The following PI4KA variants were observed in gnomAD, a reference collection of about 807,000 sequenced individuals.
PI4KA encodes PI4-kinase alpha.
In PI4KA, 122 loss-of-function variants were observed where a neutral mutation model predicts 271.4. The ratio of observed to expected loss-of-function variants is 0.45; its 90% confidence interval spans 0.39 to 0.52. The LOEUF (loss-of-function observed/expected upper bound fraction) is 0.52. Ranked by LOEUF, PI4KA falls within the 20% of genes least tolerant of loss-of-function variation. The probability of loss-of-function intolerance (pLI) is 0.00; values close to 1 mark genes in which losing one functional copy is unlikely to be tolerated. For missense variants in PI4KA, 1,969 were observed against 2,769.1 expected, an observed-to-expected ratio of 0.71 and a Z score of 6.48; for synonymous variants, 1,041 against 1,078.8, an observed-to-expected ratio of 0.96 and a Z score of 0.69.
rs886192073 is a variant in PI4KA at position 20,759,402 on chromosome 22, C to CTTTTTTTTTTTTTTTTT, written c.2791+1885_2791+1901dup. The stretch of plus-strand genomic sequence containing the variant: ...TTGATTTTTCTTTTTCTTTTCTTTT[C>CTTTTTTTTTTTTTTTTT]TTTTTTTTTTTTTTTTTTTTTGAGA... On this transcript the variant is annotated intron_variant, in intron 23 of 54. Transcript: ENST00000255882. Among the ~76,000 whole-genome samples, 106 of 102,878 alleles carry CTTTTTTTTTTTTTTTTT rather than the reference C, an allele frequency of 1.0e-3. 2 individuals are homozygous for CTTTTTTTTTTTTTTTTT. Among genetic ancestry groups the CTTTTTTTTTTTTTTTTT allele is most frequent in the East Asian group, 1.6e-3 (5 of 3,182 alleles). The allele number at this position is 102,878 out of a possible 152,430, so 67.5% of individuals were successfully genotyped here. A position where few individuals can be genotyped will look rare whatever the true frequency, so the allele number is the denominator to read the frequency against.
At chr22:20,853,903 C>T (rs1927283887) in intron 1 of PI4KA, among the ~76,000 whole-genome samples, 3 of 151,304 alleles carry the variant, frequency 2.0e-5, no homozygotes, top group Admixed American at 1.3e-4. Context: ...GGTGAGACCC[C>T]CATCTCTAAT....
chr22:20,824,286 C>T, intron 4 of PI4KA, 40 bp downstream of exon 4: 1 of 1,244,496 alleles, frequency 8.0e-7, no homozygotes, highest in South Asian at 1.2e-5. Flanking sequence ...TCTATTCAAT[C>T]TAATAGAAAT....
intron 2 of PI4KA, among the ~76,000 whole-genome samples, chr22:20,838,143 A>C (rs920597094): frequency 6.6e-6 from 1 of 151,944 alleles, no homozygotes; most frequent in Admixed American, 6.6e-5. Flanking sequence ...AACAAGATAC[A>C]CTGATACATA....
intron 43 of PI4KA, among the ~76,000 whole-genome samples, chr22:20,720,210 C>T (rs757563236): frequency 3.3e-5 from 5 of 152,178 alleles, no homozygotes; most frequent in Admixed American, 6.5e-5. Flanking sequence ...CCAGGTGCGA[C>T]GTAGACAGAC....
Position 20,803,177 on chromosome 22 carries a change from T to G in PI4KA, c.1591+14A>C, listed in dbSNP as rs776683554. The G allele has an allele frequency of 6.2e-7, 1 of 1,613,706 alleles. No homozygotes were observed. Among genetic ancestry groups the G allele is most frequent in the Admixed American group, 1.7e-5 (1 of 60,014 alleles). ...CCTTTCTCAGGGCCTGAAGGGCACA[T>G]AGTCTGTTATTACCTGTGTGGTACT... On this transcript the variant is annotated intron_variant, in intron 13 of 54. Transcript: ENST00000255882.
intron 23 of PI4KA, 60 bp downstream of exon 23, chr22:20,761,244 A>G (rs1469290967): frequency 1.6e-5 from 14 of 898,058 alleles, no homozygotes; most frequent in Non-Finnish European, 2.6e-5. Flanking sequence ...AGGAAGTAGT[A>G]CGCCTTTTTA....
chr22:20,744,735 C>T lies in PI4KA; in HGVS notation c.3364-15G>A. 2 of 1,606,030 alleles carry T rather than the reference C, an allele frequency of 1.2e-6. No homozygotes were observed. The highest frequency in any genetic ancestry group is 8.5e-7 in the Non-Finnish European group (1 of 1,172,614). ...AGCTGAGTTGCCTACAGACAGATAACCATTATTGTAGACTATGGCAGCACT... is the reference window on the plus strand; with the variant it reads ...AGCTGAGTTGCCTACAGACAGATAATCATTATTGTAGACTATGGCAGCACT... On this transcript the variant is annotated splice_polypyrimidine_tract_variant and intron_variant, in intron 29 of 54. Coordinates refer to ENST00000255882, the MANE Select transcript of PI4KA (RefSeq NM_058004.4).
chr22:20,798,948 A>G, intron 16 of PI4KA, 145 bp downstream of exon 16: 2 of 683,742 alleles, frequency 2.9e-6, no homozygotes, highest in Admixed American at 2.8e-5. Flanking sequence ...ATCTTACACT[A>G]TTCTTACTAC....
In PI4KA at chr22:20,858,558, C is replaced by T. The variant is rs1460478169; in HGVS notation, c.156+12G>A. The T allele has an allele frequency of 6.6e-6, 9 of 1,372,134 alleles. No individual in the cohort carries two copies. Among genetic ancestry groups the T allele is most frequent in the Non-Finnish European group, 7.6e-6 (8 of 1,056,380 alleles). The allele number at this position is 1,372,134 out of a possible 1,614,324, so 85.0% of individuals were successfully genotyped here. A position where few individuals can be genotyped will look rare whatever the true frequency, so the allele number is the denominator to read the frequency against. On this transcript the variant is annotated intron_variant, in intron 1 of 54. Transcript: ENST00000255882. ...CCTCCTGTCAGCCCGCGGCCCAGCC[C>T]GCCGACGTTACCTTCTCCAAGGATG...
At chr22:20,825,100 T>C (rs1356674734) in intron 3 of PI4KA, among the ~76,000 whole-genome samples, 6 of 151,190 alleles carry the variant, frequency 4.0e-5, no homozygotes, top group Non-Finnish European at 7.4e-5. Context: ...ATTTTGAATA[T>C]TGAATGTTGA....
chr22:20,747,879 G>A (rs1182424354), intron 28 of PI4KA, among the ~76,000 whole-genome samples, 177 bp from the exon 29 acceptor site: 2 of 151,028 alleles, frequency 1.3e-5, no homozygotes, highest in African/African-American at 4.9e-5. Flanking sequence ...GGACTATAGG[G>A]GCACGCCACT....
chr22:20,818,600 A>C, intron 6 of PI4KA, 51 bp from the exon 7 acceptor site: 9 of 1,394,430 alleles, frequency 6.5e-6, no homozygotes, highest in Non-Finnish European at 8.7e-6. Context: ...TGAGACCTCC[A>C]TCAGATTTGT....
intron 32 of PI4KA, among the ~76,000 whole-genome samples, chr22:20,741,721 A>G (rs1274701489): frequency 6.6e-6 from 1 of 152,204 alleles, no homozygotes; most frequent in East Asian, 1.9e-4. Flanking sequence ...AAACATGTCA[A>G]ATTCCCTGCT....
At chr22:20,795,266 C>G (rs1221438040) in intron 18 of PI4KA, among the ~76,000 whole-genome samples, 1 of 151,770 alleles carries the variant, frequency 6.6e-6, no homozygotes, top group Non-Finnish European at 1.5e-5. Flanking sequence ...ATATTCCTTT[C>G]CTTATTTAAA....
At position 20,819,711 on chromosome 22, in the gene PI4KA, C is replaced by T. The variant is rs1463682164; in HGVS notation, c.719G>A (p.Ser240Asn). ...CTCCTGACAGACAGTCAGCAGATTG[C>T]TGGGGAGGATGGAGCGGAAGTCATT... ...SFNDFRSILP[S>N]NLLTVCQEGT... Residue 240 changes from serine (S) to asparagine (N), a missense_variant, in exon 6 of 55, where the codon AGC becomes AAC. Ser to Asn is a conservative substitution (Grantham distance 46). This residue lies in a region of PI4KA where 540 missense variants were observed against 555.5 expected (regional missense o/e 0.97). Coordinates refer to ENST00000255882, the MANE Select transcript of PI4KA (RefSeq NM_058004.4). The T allele has an allele frequency of 9.3e-6, 15 of 1,613,882 alleles. No homozygotes were observed. Among genetic ancestry groups the T allele is most frequent in the Non-Finnish European group, 1.2e-5 (14 of 1,179,966 alleles).
intron 1 of PI4KA, among the ~76,000 whole-genome samples, chr22:20,842,671 G>A (rs1925702175): frequency 6.6e-6 from 1 of 152,052 alleles, no homozygotes; most frequent in Admixed American, 6.6e-5. Flanking sequence ...AAATCAGCCA[G>A]GTGTGGTGGC....
In PI4KA at chr22:20,764,841, G is replaced by C. The variant is rs1932362121; in HGVS notation, c.2684C>G (p.Ser895Cys). The change falls in exon 22 of 55, where the codon TCT becomes TGT. Residue 895 changes from serine to cysteine, a missense_variant. Physicochemically the swap from Ser to Cys is moderately radical, Grantham distance 112. Transcript: ENST00000255882. ...LDFAMSTYLL[S>C]VYRLEYMRVL... ...CCTCATGTACTCCAGCCGGTACACA[G>C]AGAGGAGGTAGGTGGACATGGCGAA... 1 of 1,613,366 alleles carries C rather than the reference G, an allele frequency of 6.2e-7. No homozygotes were observed. The highest frequency in any genetic ancestry group is 8.5e-7 in the Non-Finnish European group (1 of 1,179,698).
chr22:20,830,226 T>C (rs946329549), intron 3 of PI4KA, among the ~76,000 whole-genome samples: 13 of 152,208 alleles, frequency 8.5e-5, no homozygotes, highest in African/African-American at 3.1e-4. Context: ...TCTAACACTG[T>C]CAGTGGGGTG....
chr22:20,774,885 C>T (rs1933140924), intron 19 of PI4KA, among the ~76,000 whole-genome samples: 1 of 151,438 alleles, frequency 6.6e-6, no homozygotes, highest in Non-Finnish European at 1.5e-5. Flanking sequence ...CACGTACGTA[C>T]ACACACACAC....
Sources: allele counts gnomAD v4.1 joint callset (sites outside exome capture counted in the v4.1 genomes callset), GRCh38; gene constraint gnomAD v4.1.1; regional missense constraint gnomAD v4.1.1; transcripts MANE v1.5; gene names NCBI Gene and HGNC (gene_info 2026-07-23, HGNC 2026-07-21).